Variants in PRKN observed in about 807,000 individuals in gnomAD.
PRKN encodes the protein parkin RBR E3 ubiquitin protein ligase, also known as E3 ubiquitin-protein ligase parkin.
PRKN carries 56 observed loss-of-function variants against 59.5 expected under a neutral mutation model. The observed-to-expected ratio is 0.94, with a 90% confidence interval of 0.76 to 1.18. PRKN has a LOEUF of 1.18. PRKN is among the 50% of genes most tolerant of loss of function. The pLI, the probability that PRKN is intolerant of heterozygous loss-of-function variation, is 0.00. For missense variants in PRKN, 657 were observed against 596.4 expected, an observed-to-expected ratio of 1.10 and a Z score of -1.06; for synonymous variants, 250 against 222.1, an observed-to-expected ratio of 1.13 and a Z score of -1.12.
intron 2 of PRKN, among the ~76,000 whole-genome samples, chr6:162,314,227 G>A (rs1400208725): frequency 1.3e-5 from 2 of 152,130 alleles, no homozygotes; most frequent in African/African-American, 4.8e-5. Flanking sequence ...CTTAGAGAAT[G>A]TCTTACAAGG....
At chr6:162,494,154 TAA>T (rs555334721) in intron 1 of PRKN, among the ~76,000 whole-genome samples, 213 of 152,292 alleles carry the variant, frequency 1.4e-3, no homozygotes, top group South Asian at 4.1e-3. Context: ...GCACTATAAA[TAA>T]GAGAGGTTCT....
intron 3 of PRKN, among the ~76,000 whole-genome samples, chr6:162,208,060 A>T (rs2128333586): frequency 6.6e-6 from 1 of 152,290 alleles, no homozygotes; most frequent in African/African-American, 2.4e-5. Flanking sequence ...GAACTAAAAT[A>T]AAAAAATGTT....
At chr6:161,797,619 A>T (rs527627941) in intron 6 of PRKN, among the ~76,000 whole-genome samples, 1 of 152,326 alleles carries the variant, frequency 6.6e-6, no homozygotes, top group Non-Finnish European at 1.5e-5. Context: ...TGTCTGAAGT[A>T]GAGTGGTTTG....
chr6:161,810,223 G>A (rs187180095), intron 6 of PRKN, among the ~76,000 whole-genome samples: 1 of 152,310 alleles, frequency 6.6e-6, no homozygotes, highest in Non-Finnish European at 1.5e-5. Context: ...AGCCCATCTG[G>A]AGATACAGGG....
At chr6:162,510,744 A>T (rs751981617) in intron 1 of PRKN, among the ~76,000 whole-genome samples, 9 of 152,116 alleles carry the variant, frequency 5.9e-5, no homozygotes, top group Admixed American at 2.0e-4. Context: ...CAACGTAGTG[A>T]AACCCTGTAT....
At chr6:161,569,648 T>A (rs980612804) in intron 7 of PRKN, among the ~76,000 whole-genome samples, 5 of 152,340 alleles carry the variant, frequency 3.3e-5, no homozygotes, top group Admixed American at 1.3e-4. Flanking sequence ...CATGTGACCC[T>A]GGCCAGGCTT....
At chr6:162,233,860 C>A (rs1778526574) in intron 3 of PRKN, among the ~76,000 whole-genome samples, 1 of 152,300 alleles carries the variant, frequency 6.6e-6, no homozygotes, top group East Asian at 1.9e-4. Context: ...GTCCTCTAAC[C>A]ATGTGAGGCA....
intron 9 of PRKN, among the ~76,000 whole-genome samples, chr6:161,541,333 A>G (rs1235539020): frequency 2.0e-5 from 3 of 152,234 alleles, no homozygotes; most frequent in Non-Finnish European, 4.4e-5. Flanking sequence ...CAGAGGTCAG[A>G]GCACGACCAA....
chr6:161,475,912 C>G lies in PRKN; in HGVS notation c.1083+72942G>C, dbSNP rs900740483. 6.6e-6 allele frequency among the ~76,000 whole-genome samples: 1 copy of G among 151,896 alleles called. No homozygotes were observed. Among genetic ancestry groups the G allele is most frequent in the Admixed American group, 6.6e-5 (1 of 15,248 alleles). ...AAAATATTATTCAAGATAGGCTGGT[C>G]GCGGTGGCTCACGCCTGTAATCCCA... is the stretch of plus-strand genomic sequence containing the variant. On this transcript the variant is annotated intron_variant, in intron 9 of 11. Coordinates refer to ENST00000366898, the MANE Select transcript of PRKN (RefSeq NM_004562.3). The surrounding 1 kb of genome is among the most constrained non-coding windows in gnomAD (Gnocchi z 5.3).
At chr6:162,338,983 CCTGT>C (rs1012986195) in intron 2 of PRKN, among the ~76,000 whole-genome samples, 1 of 151,290 alleles carries the variant, frequency 6.6e-6, no homozygotes, top group African/African-American at 2.4e-5. Flanking sequence ...GCCCGGCCAC[CCTGT>C]CTGAGAAGTG....
At chr6:161,814,819 G>A (rs3016540) in intron 6 of PRKN, among the ~76,000 whole-genome samples, 73,244 of 151,892 alleles carry the variant, frequency 0.48, 18,140 homozygotes, top group Non-Finnish European at 0.56. Context: ...GCCTTTCATA[G>A]AACTATCAGG....
chr6:162,415,880 AT>A (rs1788605405), intron 2 of PRKN, among the ~76,000 whole-genome samples: 2 of 152,226 alleles, frequency 1.3e-5, no homozygotes, highest in Admixed American at 1.3e-4. Context: ...TATTCAGACT[AT>A]TCTGACTAAT....
At chr6:162,487,164 A>C (rs1436057050) in intron 1 of PRKN, among the ~76,000 whole-genome samples, 2 of 152,212 alleles carry the variant, frequency 1.3e-5, no homozygotes, top group African/African-American at 4.8e-5. Context: ...TTTAAAATCT[A>C]ATAAGATATG....
chr6:161,839,166 G>T (rs1052918086), intron 6 of PRKN, among the ~76,000 whole-genome samples: 1 of 152,136 alleles, frequency 6.6e-6, no homozygotes, highest in African/African-American at 2.4e-5. Flanking sequence ...AACTGAGGTG[G>T]CATTGGAGAT....
At chr6:162,074,632 T>A (rs66614120) in intron 4 of PRKN, among the ~76,000 whole-genome samples, 13 of 8,406 alleles carry the variant, frequency 1.5e-3, no homozygotes, top group East Asian at 8.5e-3. Flanking sequence ...AGTATATATA[T>A]AAAAAAAAGT....
At chr6:161,625,267 C>T (rs2128152331) in intron 7 of PRKN, among the ~76,000 whole-genome samples, 1 of 152,258 alleles carries the variant, frequency 6.6e-6, no homozygotes, top group Non-Finnish European at 1.5e-5. Flanking sequence ...TTTGCTGGGA[C>T]ATGGATGAAG....
At chr6:161,920,191 C>T (rs1246636275) in intron 6 of PRKN, among the ~76,000 whole-genome samples, 2 of 152,052 alleles carry the variant, frequency 1.3e-5, no homozygotes, top group Non-Finnish European at 2.9e-5. Context: ...TGAGACTAGC[C>T]TGGCCAACAT....
intron 6 of PRKN, among the ~76,000 whole-genome samples, chr6:161,795,431 G>T (rs558989569): frequency 6.6e-6 from 1 of 150,524 alleles, no homozygotes; most frequent in Non-Finnish European, 1.5e-5. Flanking sequence ...ATGGGGTCTC[G>T]CCATGTTGGC....
At chr6:162,646,929 C>T (rs577652389) in intron 1 of PRKN, among the ~76,000 whole-genome samples, 51 of 152,066 alleles carry the variant, frequency 3.4e-4, no homozygotes, top group African/African-American at 1.2e-3. Context: ...TGTCATTGAC[C>T]AAAACATTAT....
Sources: allele counts gnomAD v4.1 joint callset (sites outside exome capture counted in the v4.1 genomes callset), GRCh38; gene constraint gnomAD v4.1.1; non-coding constraint Gnocchi (gnomAD v3.1); transcripts MANE v1.5; gene names NCBI Gene and HGNC (gene_info 2026-07-23, HGNC 2026-07-21).